The following GABRB1 variants were observed in gnomAD, a reference collection of about 807,000 sequenced individuals.
The protein encoded by GABRB1 is gamma-aminobutyric acid type A receptor subunit beta1.
A neutral mutation model predicts 51.6 loss-of-function variants in GABRB1; 17 were observed. The observed-to-expected ratio is 0.33, with a 90% CI of 0.23 to 0.49. GABRB1 has a LOEUF of 0.49. GABRB1 is among the 20% of genes least tolerant of loss of function. The pLI is 0.99. For missense variants in GABRB1, 410 were observed against 600.6 expected, an observed-to-expected ratio of 0.68 and a Z score of 3.32; for synonymous variants, 247 against 218.9, an observed-to-expected ratio of 1.13 and a Z score of -1.14.
chr4:47,425,525 G>A (rs183232520), intron 8 of GABRB1, 149 bp from the exon 9 acceptor site: 2 of 615,198 alleles, frequency 3.3e-6, no homozygotes, highest in Non-Finnish European at 5.8e-6. Context: ...TAGATCGATC[G>A]ATCTATCTCC....
chr4:47,322,143 C>A (rs1725107225), intron 5 of GABRB1, among the ~76,000 whole-genome samples: 1 of 152,010 alleles, frequency 6.6e-6, no homozygotes, highest in African/African-American at 2.4e-5. Context: ...GAGGGAAGCC[C>A]AGGCACCCAG....
intron 4 of GABRB1, among the ~76,000 whole-genome samples, chr4:47,221,163 A>T (rs190635065): frequency 6.6e-6 from 1 of 151,874 alleles, no homozygotes; most frequent in Non-Finnish European, 1.5e-5. Context: ...TACCATCTAC[A>T]TTTCAAAGTC....
At chr4:47,225,469 G>A (rs1193570191) in intron 4 of GABRB1, among the ~76,000 whole-genome samples, 4 of 152,116 alleles carry the variant, frequency 2.6e-5, no homozygotes, top group African/African-American at 9.7e-5. Context: ...AACTAAGAAT[G>A]GAAGAGCTGT....
intron 4 of GABRB1, among the ~76,000 whole-genome samples, chr4:47,313,798 C>G (rs1724790691): frequency 6.6e-6 from 1 of 152,070 alleles, no homozygotes; most frequent in Non-Finnish European, 1.5e-5. Flanking sequence ...CTGTCTGAGT[C>G]TCAATAATTC....
At chr4:47,038,885 A>T (rs1437945171) in intron 3 of GABRB1, among the ~76,000 whole-genome samples, 1 of 152,202 alleles carries the variant, frequency 6.6e-6, no homozygotes, top group African/African-American at 2.4e-5. Flanking sequence ...GAATTAGTAG[A>T]TGTTTATAGT....
chr4:47,374,842 A>G (rs1327366453), intron 5 of GABRB1, among the ~76,000 whole-genome samples: 4 of 152,230 alleles, frequency 2.6e-5, no homozygotes, highest in Non-Finnish European at 2.9e-5. Context: ...TGGTAGGAAA[A>G]GAAGCCAAAG....
At chr4:47,137,020 C>G (rs957405252) in intron 3 of GABRB1, among the ~76,000 whole-genome samples, 1 of 152,094 alleles carries the variant, frequency 6.6e-6, no homozygotes, top group Non-Finnish European at 1.5e-5. Context: ...CTAGGACTGA[C>G]TTTGCCGATA....
chr4:47,223,159 A>G (rs1421726333), intron 4 of GABRB1, among the ~76,000 whole-genome samples: 1 of 152,136 alleles, frequency 6.6e-6, no homozygotes, highest in African/African-American at 2.4e-5. Context: ...TTTCATGAGA[A>G]ACAGTGCCCC....
intron 5 of GABRB1, among the ~76,000 whole-genome samples, chr4:47,325,721 C>T (rs908541016): frequency 2.0e-5 from 3 of 152,144 alleles, no homozygotes; most frequent in Non-Finnish European, 4.4e-5. Context: ...TCTTCTCATC[C>T]TTCAGTCCTC....
At chr4:47,336,048 C>CTAAA (rs1725686027) in intron 5 of GABRB1, among the ~76,000 whole-genome samples, 1 of 152,270 alleles carries the variant, frequency 6.6e-6, no homozygotes, top group African/African-American at 2.4e-5. Context: ...ACTGGTCTTT[C>CTAAA]TAAATCAAAG....
chr4:47,341,687 C>T (rs1248801259), intron 5 of GABRB1, among the ~76,000 whole-genome samples: 4 of 151,816 alleles, frequency 2.6e-5, no homozygotes, highest in African/African-American at 9.7e-5. Context: ...CATTTTTTTT[C>T]GCACTTGTAA....
At chr4:47,095,631 T>C (rs1408817400) in intron 3 of GABRB1, among the ~76,000 whole-genome samples, 1 of 152,238 alleles carries the variant, frequency 6.6e-6, no homozygotes, top group Admixed American at 6.5e-5. Flanking sequence ...TCTTTTAATC[T>C]TCACATTCTT....
intron 3 of GABRB1, among the ~76,000 whole-genome samples, chr4:47,132,749 G>A (rs1359805693): frequency 2.0e-5 from 3 of 152,208 alleles, no homozygotes; most frequent in Non-Finnish European, 2.9e-5. Context: ...TCTAGAACGT[G>A]TTCAGAGAGC....
intron 4 of GABRB1, among the ~76,000 whole-genome samples, chr4:47,306,343 A>C (rs1391631676): frequency 1.3e-5 from 2 of 150,362 alleles, no homozygotes; most frequent in Non-Finnish European, 3.0e-5. Flanking sequence ...GGGAGGATTT[A>C]AGGTGGGAGG....
At chr4:47,233,736 T>G (rs1721227153) in intron 4 of GABRB1, among the ~76,000 whole-genome samples, 1 of 152,170 alleles carries the variant, frequency 6.6e-6, no homozygotes, top group South Asian at 2.1e-4. Flanking sequence ...ATCTAAAAAA[T>G]TCAATTTGAA....
At chr4:47,116,854 A>G (rs1035616034) in intron 3 of GABRB1, among the ~76,000 whole-genome samples, 11 of 152,154 alleles carry the variant, frequency 7.2e-5, no homozygotes, top group Admixed American at 5.9e-4. Context: ...GGAAACTTAC[A>G]ATCATGGCAG....
intron 4 of GABRB1, among the ~76,000 whole-genome samples, chr4:47,205,163 A>G (rs896594032): frequency 2.0e-5 from 3 of 152,164 alleles, no homozygotes; most frequent in African/African-American, 7.2e-5. Flanking sequence ...TCTAAGGCTT[A>G]ACCTCCAAAT....
rs1718303384 is a variant in GABRB1 at position 47,168,533 on chromosome 4, T to C, written c.461+7064T>C. Reference sequence around the variant, plus strand: ...TATCTCCATCTCCTATATTAAGACTTGATCAGATTTAGATTACCTGCTTTT... The same window carrying C: ...TATCTCCATCTCCTATATTAAGACTCGATCAGATTTAGATTACCTGCTTTT... On this transcript the variant is annotated intron_variant, in intron 4 of 8. Coordinates refer to ENST00000295454, the MANE Select transcript of GABRB1 (RefSeq NM_000812.4). Among the ~76,000 whole-genome samples the C allele has an allele frequency of 3.3e-5, 5 of 152,278 alleles. No individual in the cohort carries two copies. The South Asian group carries it at 8.3e-4, about 25-fold the overall frequency.
At chr4:47,302,232 G>A (rs887766974) in intron 4 of GABRB1, among the ~76,000 whole-genome samples, 11 of 151,982 alleles carry the variant, frequency 7.2e-5, no homozygotes, top group East Asian at 1.9e-4. Context: ...GCTTAGTACC[G>A]TTTCTTCCAT....
Sources: allele counts gnomAD v4.1 joint callset (sites outside exome capture counted in the v4.1 genomes callset), GRCh38; gene constraint gnomAD v4.1.1; transcripts MANE v1.5; gene names NCBI Gene and HGNC (gene_info 2026-07-23, HGNC 2026-07-21).